Variants in RB1CC1 observed in about 807,000 individuals in gnomAD.
The protein encoded by RB1CC1 is RB1-inducible coiled-coil protein 1.
A neutral mutation model predicts 177.5 loss-of-function variants in RB1CC1; 46 were observed. The ratio of observed to expected loss-of-function variants is 0.26; its 90% CI spans 0.20 to 0.33. The LOEUF is 0.33. Ranked by LOEUF, RB1CC1 falls within the 10% of genes least tolerant of loss-of-function variation. The pLI is 1.00. For missense variants in RB1CC1, 1,703 were observed against 1,816.3 expected, an observed-to-expected ratio of 0.94 and a Z score of 1.13; for synonymous variants, 666 against 613.6, an observed-to-expected ratio of 1.09 and a Z score of -1.26.
At chr8:52,690,288 T>C (rs926069625) in intron 1 of RB1CC1, among the ~76,000 whole-genome samples, 2 of 152,210 alleles carry the variant, frequency 1.3e-5, no homozygotes, top group African/African-American at 4.8e-5. Flanking sequence ...CTGACTAAAG[T>C]GGAAGGAATA....
At chr8:52,648,040 C>A (rs1012907119) in intron 15 of RB1CC1, among the ~76,000 whole-genome samples, 1 of 152,142 alleles carries the variant, frequency 6.6e-6, no homozygotes, top group Admixed American at 6.5e-5. Flanking sequence ...TGGGGTACTC[C>A]ATTTCAGGGT....
intron 18 of RB1CC1, 107 bp downstream of exon 18, chr8:52,642,244 A>G (rs182054568): frequency 4.9e-5 from 67 of 1,368,824 alleles, no homozygotes; most frequent in Non-Finnish European, 5.6e-5. Flanking sequence ...TTTCAGATAC[A>G]TGGGCTGTGG....
chr8:52,685,344 T>C (rs1361899570), intron 3 of RB1CC1, 55 bp downstream of exon 3: 1 of 1,300,570 alleles, frequency 7.7e-7, no homozygotes, highest in Non-Finnish European at 1.1e-6. Context: ...AATATTTCTT[T>C]AACTTTCTGC....
chr8:52,643,696 C>CAAAA (rs34520917), intron 16 of RB1CC1, among the ~76,000 whole-genome samples: 2 of 81,074 alleles, frequency 2.5e-5, no homozygotes, highest in Non-Finnish European at 4.7e-5. Flanking sequence ...CTCTAAGAGG[C>CAAAA]AAAAAAAAAA....
chr8:52,643,696 CAAAAAAA>C (rs34520917), intron 16 of RB1CC1, among the ~76,000 whole-genome samples: 29 of 81,058 alleles, frequency 3.6e-4, no homozygotes, highest in East Asian at 1.5e-3. Context: ...CTCTAAGAGG[CAAAAAAA>C]AAAAAAAAAA....
chr8:52,671,510 G>A (rs992082691), intron 7 of RB1CC1, among the ~76,000 whole-genome samples: 4 of 152,122 alleles, frequency 2.6e-5, no homozygotes, highest in African/African-American at 9.7e-5. Flanking sequence ...TTCATCTTCA[G>A]AAATGCCCCT....
At chr8:52,651,865 G>A (rs571143627) in intron 15 of RB1CC1, among the ~76,000 whole-genome samples, 2 of 152,272 alleles carry the variant, frequency 1.3e-5, no homozygotes, top group South Asian at 4.1e-4. Flanking sequence ...AATCATGCAT[G>A]AGTAAAAAAG....
intron 5 of RB1CC1, among the ~76,000 whole-genome samples, chr8:52,680,996 T>TGTGTG (rs1389877008): frequency 0.045 from 4,727 of 104,548 alleles, 94 homozygotes; most frequent in Middle Eastern, 0.069. Context: ...GTGTGTGTGT[T>TGTGTG]TTTTTTTTTT....
chr8:52,705,846 A>G (rs928863804), intron 1 of RB1CC1, among the ~76,000 whole-genome samples: 1 of 152,184 alleles, frequency 6.6e-6, no homozygotes, highest in Non-Finnish European at 1.5e-5. Context: ...CAAAAAAATA[A>G]TAAATTATTA....
At chr8:52,640,056 A>G (rs937677405) in intron 18 of RB1CC1, among the ~76,000 whole-genome samples, 1 of 152,190 alleles carries the variant, frequency 6.6e-6, no homozygotes, top group African/African-American at 2.4e-5. Flanking sequence ...TTATTAATTC[A>G]TTTAAAAATA....
chr8:52,652,438 C>A (rs1180181595), intron 15 of RB1CC1, among the ~76,000 whole-genome samples: 1 of 130,514 alleles, frequency 7.7e-6, no homozygotes. Context: ...CCAGCCTGGG[C>A]ATCAGAGCAA....
intron 19 of RB1CC1, among the ~76,000 whole-genome samples, chr8:52,635,310 T>C (rs535132615): frequency 2.6e-5 from 4 of 152,304 alleles, no homozygotes; most frequent in South Asian, 4.1e-4. Context: ...ATCTGTAACA[T>C]ACATCTCAGG....
chr8:52,675,712 TCCAAAAAAAA>T (rs1391683381), intron 6 of RB1CC1, among the ~76,000 whole-genome samples: 51 of 48,416 alleles, frequency 1.1e-3, no homozygotes, highest in South Asian at 2.4e-3. Context: ...CTACTAAAAA[TCCAAAAAAAA>T]AAAAAAAAAA....
intron 1 of RB1CC1, among the ~76,000 whole-genome samples, chr8:52,704,840 T>C (rs1184985902): frequency 6.6e-6 from 1 of 152,192 alleles, no homozygotes; most frequent in African/African-American, 2.4e-5. Flanking sequence ...AAGTATTACT[T>C]TTCACCAAAT....
At chr8:52,646,185 G>A (rs921736053) in intron 15 of RB1CC1, among the ~76,000 whole-genome samples, 2 of 152,082 alleles carry the variant, frequency 1.3e-5, no homozygotes, top group South Asian at 2.1e-4. Context: ...TTCTTTGGCC[G>A]AGCTCTGTGG....
chr8:52,639,786 T>C (rs1420228834), intron 18 of RB1CC1, among the ~76,000 whole-genome samples: 1 of 152,182 alleles, frequency 6.6e-6, no homozygotes, highest in Non-Finnish European at 1.5e-5. Flanking sequence ...TAGTTATTAC[T>C]CTGGCATTCC....
intron 7 of RB1CC1, among the ~76,000 whole-genome samples, chr8:52,669,823 C>A (rs1316224384): frequency 6.6e-6 from 1 of 152,106 alleles, no homozygotes; most frequent in Non-Finnish European, 1.5e-5. Flanking sequence ...CTTAACATAC[C>A]AACAACTTAA....
rs760039458 is a variant in RB1CC1, at chr8:52,674,055, A to G, written c.792T>C (p.His264=). ...LLTSFPKSVE[H]VSPDTADAES... ...CAGCATCTGCGGTATCTGGGGACAC[A>G]TGTTCCACTGACTTGGGAAATGAGG... Residue 264 remains histidine (H), a synonymous_variant, in exon 7 of 24, where the codon CAT becomes CAC. Coordinates refer to ENST00000025008, the MANE Select transcript of RB1CC1 (RefSeq NM_014781.5). The G allele has an allele frequency of 3.7e-6, 6 of 1,614,168 alleles. No individual in the cohort carries two copies. The highest frequency in any genetic ancestry group is 5.1e-6 in the Non-Finnish European group (6 of 1,180,010).
rs1386332787 is a variant in RB1CC1 at position 52,656,495 on chromosome 8, G to C, written c.3334C>G (p.Gln1112Glu). Residue 1112 changes from glutamine (Q) to glutamate (E), a missense_variant, in exon 15 of 24, where the codon CAG becomes GAG. By Grantham distance (29) the Gln-to-Glu change is conservative (BLOSUM62 2). Coordinates refer to ENST00000025008, the MANE Select transcript of RB1CC1 (RefSeq NM_014781.5). ...ACCTGATAATTTTCATTATTATCCT[G>C]AATCTTTTGGTTGAGTTTACTAATT... Reference protein sequence around the residue: ...TEISKLNQKIQDNNENYQVGL... With the variant: ...TEISKLNQKIEDNNENYQVGL... 5 of 1,611,010 alleles carry C rather than the reference G, an allele frequency of 3.1e-6. No homozygotes were observed. Among genetic ancestry groups the C allele is most frequent in the Non-Finnish European group, 3.4e-6 (4 of 1,179,660 alleles).
Sources: gnomAD v4.1 joint callset for allele counts (sites outside exome capture counted in the v4.1 genomes callset) on GRCh38, gnomAD v4.1.1 for gene constraint, MANE v1.5 for transcripts, NCBI Gene and HGNC (gene_info 2026-07-23, HGNC 2026-07-21) for gene names.